CHEK2: variants seen among roughly 807,000 people sequenced by gnomAD.
CHEK2 encodes the protein serine/threonine-protein kinase Chk2.
CHEK2 carries 71 observed loss-of-function variants against 69.1 expected under a neutral mutation model. The observed-to-expected ratio is 1.03, with a 90% CI of 0.85 to 1.25. CHEK2 has a LOEUF of 1.25. Ranked by LOEUF, CHEK2 falls within the 50% of genes most tolerant of loss-of-function variation. CHEK2 has a pLI of 0.00. For missense variants in CHEK2, 664 were observed against 649.6 expected, an observed-to-expected ratio of 1.02 and a Z score of -0.24; for synonymous variants, 189 against 226.9, an observed-to-expected ratio of 0.83 and a Z score of 1.50.
chr22:28,729,250 A>G, intron 2 of CHEK2: 1 of 266,050 alleles, frequency 3.8e-6, no homozygotes, highest in Non-Finnish European at 7.6e-6. Flanking sequence ...CCAAACAAGA[A>G]TTAACCCAGG....
intron 4 of CHEK2, among the ~76,000 whole-genome samples, chr22:28,721,179 A>G (rs1217591464): frequency 6.6e-6 from 1 of 152,038 alleles, no homozygotes; most frequent in Non-Finnish European, 1.5e-5. Context: ...CCTTTAGCCT[A>G]TATGACATCT....
intron 9 of CHEK2, among the ~76,000 whole-genome samples, chr22:28,698,775 G>A (rs951368844): frequency 6.6e-6 from 1 of 152,022 alleles, no homozygotes; most frequent in Non-Finnish European, 1.5e-5. Context: ...CTGCCGGCCC[G>A]CCCACTGCAG....
Position 28,702,382 on chromosome 22 carries a change from GAGCC to G in CHEK2, c.908+1119_908+1122del, listed in dbSNP as rs1289631316. 2.0e-5 allele frequency among the ~76,000 whole-genome samples: 3 copies of G among 151,170 alleles called. No homozygotes were observed. The South Asian group carries it at 6.3e-4, about 32-fold the overall frequency. On this transcript the variant is annotated intron_variant, in intron 8 of 14. Transcript: ENST00000404276. ...GCCTCCCGAGTAGCTGGGACTACAG[GAGCC>G]CACCACCACACCCAGCTAATTTTTT...
rs574485937 is a variant in CHEK2 at position 28,690,362 on chromosome 22, C to T, written c.1462-1147G>A. The stretch of plus-strand genomic sequence containing the variant: ...TTAAAAATTAGGCCAGGCACGGAGG[C>T]TCACGCCTGTAATCCCAGCACTTTG... On this transcript the variant is annotated intron_variant, in intron 13 of 14. Transcript: ENST00000404276. Among the ~76,000 whole-genome samples the T allele has an allele frequency of 1.2e-4, 18 of 152,298 alleles. No individual in the cohort carries two copies. The South Asian group carries it at 3.7e-3, about 32-fold the overall frequency.
intron 2 of CHEK2, among the ~76,000 whole-genome samples, chr22:28,732,195 T>G (rs1174252235): frequency 6.6e-6 from 1 of 152,032 alleles, no homozygotes; most frequent in Non-Finnish European, 1.5e-5. Flanking sequence ...CACTGCAACC[T>G]CTGCCTCCCA....
chr22:28,690,628 C>CA (rs35236854), intron 13 of CHEK2, among the ~76,000 whole-genome samples: 1,846 of 87,978 alleles, frequency 0.021, 23 homozygotes, highest in Middle Eastern at 0.039. Context: ...ACACTGTCTC[C>CA]AAAAAAAAAA....
At chr22:28,688,033 C>T (rs2145740288) in intron 14 of CHEK2, 47 bp from the exon 15 acceptor site, 2 of 1,400,804 alleles carry the variant, frequency 1.4e-6, no homozygotes, top group African/African-American at 1.4e-5. Flanking sequence ...AAATCACTGG[C>T]TTCTTTAAGA....
intron 13 of CHEK2, among the ~76,000 whole-genome samples, chr22:28,691,047 G>GAT (rs1459332304): frequency 6.6e-6 from 1 of 152,104 alleles, no homozygotes; most frequent in Admixed American, 6.6e-5. Flanking sequence ...AAGCTCATCT[G>GAT]GATTCTACTC....
chr22:28,711,267 T>C (rs1024150898), intron 6 of CHEK2, among the ~76,000 whole-genome samples: 2 of 152,192 alleles, frequency 1.3e-5, no homozygotes, highest in South Asian at 4.1e-4. Context: ...ATTAAAATTT[T>C]AAAAATCTAT....
intron 5 of CHEK2, among the ~76,000 whole-genome samples, chr22:28,718,455 T>TA (rs1005067264): frequency 9.2e-5 from 14 of 152,128 alleles, no homozygotes; most frequent in Non-Finnish European, 1.6e-4. Flanking sequence ...TTTAAATCAG[T>TA]ATGTTGAAGA....
chr22:28,741,324 G>A (rs1487189069), intron 1 of CHEK2, among the ~76,000 whole-genome samples: 1 of 151,266 alleles, frequency 6.6e-6, no homozygotes, highest in East Asian at 1.9e-4. Flanking sequence ...CCCACTTCTG[G>A]CCACCCTATC....
intron 2 of CHEK2, among the ~76,000 whole-genome samples, chr22:28,729,885 G>A (rs1175772664): frequency 6.6e-6 from 1 of 152,060 alleles, no homozygotes; most frequent in African/African-American, 2.4e-5. Context: ...AAAGCACTGA[G>A]ATTATAGGGT....
chr22:28,727,119 G>A (rs1211153973), intron 2 of CHEK2, among the ~76,000 whole-genome samples: 3 of 152,090 alleles, frequency 2.0e-5, no homozygotes, highest in African/African-American at 7.2e-5. Flanking sequence ...TCGGCTCACT[G>A]CAACCTCCAC....
intron 4 of CHEK2, among the ~76,000 whole-genome samples, chr22:28,722,322 C>A (rs1201393746): frequency 6.6e-6 from 1 of 151,810 alleles, no homozygotes; most frequent in South Asian, 2.1e-4. Flanking sequence ...GGAAGGATCA[C>A]GAGGTCAGGA....
At chr22:28,703,473 A>T in intron 8 of CHEK2, 32 bp downstream of exon 8, 4 of 1,148,602 alleles carry the variant, frequency 3.5e-6, no homozygotes, top group Non-Finnish European at 5.1e-6. Flanking sequence ...ATTTGAATGG[A>T]AACAGAAATT....
intron 13 of CHEK2, chr22:28,689,475 G>A (rs2052266209): frequency 4.6e-6 from 2 of 435,848 alleles, no homozygotes; most frequent in East Asian, 9.4e-5. Flanking sequence ...GTCAATCACA[G>A]CCTCCAGCAG....
At chr22:28,701,868 C>G (rs2052864349) in intron 8 of CHEK2, among the ~76,000 whole-genome samples, 1 of 152,188 alleles carries the variant, frequency 6.6e-6, no homozygotes, top group South Asian at 2.1e-4. Context: ...GGAGCTCTCT[C>G]AGAGACCAAA....
intron 7 of CHEK2, among the ~76,000 whole-genome samples, chr22:28,705,479 T>C (rs1271857465): frequency 6.6e-6 from 1 of 152,194 alleles, no homozygotes; most frequent in Non-Finnish European, 1.5e-5. Context: ...GGAAGTACAA[T>C]GCAAATGTTC....
At chr22:28,733,925 A>T (rs77237342) in intron 2 of CHEK2, among the ~76,000 whole-genome samples, 1 of 148,172 alleles carries the variant, frequency 6.7e-6, no homozygotes, top group Non-Finnish European at 1.5e-5. Context: ...CCGTTGCCAA[A>T]AAAAAAAAAA....
Sources: allele counts gnomAD v4.1 joint callset (sites outside exome capture counted in the v4.1 genomes callset), GRCh38; gene constraint gnomAD v4.1.1; transcripts MANE v1.5; gene names NCBI Gene and HGNC (gene_info 2026-07-23, HGNC 2026-07-21).